The following FBLN5 variants were observed in gnomAD, a reference collection of about 807,000 sequenced individuals.
The protein encoded by FBLN5 is fibulin 5.
Under a neutral mutation model 61.6 loss-of-function variants are expected in FBLN5, and 24 were observed. The ratio of observed to expected loss-of-function variants is 0.39; its 90% CI spans 0.28 to 0.55. The LOEUF (loss-of-function observed/expected upper bound fraction) is 0.55, where lower values mean the gene tolerates loss of function less well. FBLN5 is among the 20% of genes least tolerant of loss of function. The pLI is 0.65. For missense variants in FBLN5, 470 were observed against 594.1 expected, an observed-to-expected ratio of 0.79 and a Z score of 2.17; for synonymous variants, 213 against 219.8, an observed-to-expected ratio of 0.97 and a Z score of 0.27.
chr14:91,917,368 G>T (rs1035209182), intron 4 of FBLN5, among the ~76,000 whole-genome samples: 8 of 152,082 alleles, frequency 5.3e-5, no homozygotes, highest in Non-Finnish European at 1.2e-4. Context: ...CACAAGGTCA[G>T]GAATTCAAGA....
intron 4 of FBLN5, among the ~76,000 whole-genome samples, chr14:91,912,984 A>G (rs1891022040): frequency 6.6e-6 from 1 of 152,190 alleles, no homozygotes; most frequent in African/African-American, 2.4e-5. Flanking sequence ...ATATGTATTA[A>G]CCAATGTGTA....
chr14:91,907,195 C>T (rs375117884), intron 4 of FBLN5, among the ~76,000 whole-genome samples: 3 of 152,174 alleles, frequency 2.0e-5, no homozygotes, highest in Admixed American at 6.5e-5. Flanking sequence ...GTGCAATGTC[C>T]GGGTCATGCC....
chr14:91,878,050 CAA>C, intron 9 of FBLN5: 1 of 408,228 alleles, frequency 2.4e-6, no homozygotes. Flanking sequence ...AAAAACAAAA[CAA>C]AAAAAAAGGA....
chr14:91,907,959 A>T (rs575661746), intron 4 of FBLN5, among the ~76,000 whole-genome samples: 26 of 151,612 alleles, frequency 1.7e-4, no homozygotes, highest in Non-Finnish European at 3.1e-4. Context: ...CTCTCATATT[A>T]AAAAAAAACC....
intron 1 of FBLN5, among the ~76,000 whole-genome samples, chr14:91,946,216 T>C (rs1356292097): frequency 6.6e-6 from 1 of 151,966 alleles, no homozygotes; most frequent in African/African-American, 2.4e-5. Context: ...AATAGGATTT[T>C]CCTAAAATGA....
intron 6 of FBLN5, among the ~76,000 whole-genome samples, chr14:91,889,861 C>A (rs896631031): frequency 2.0e-5 from 3 of 152,240 alleles, no homozygotes; most frequent in Admixed American, 6.5e-5. Context: ...TTGTCACACA[C>A]CTGTCCCTCA....
chr14:91,941,682 G>A (rs1002101468), intron 2 of FBLN5, among the ~76,000 whole-genome samples: 4 of 152,180 alleles, frequency 2.6e-5, no homozygotes, highest in African/African-American at 9.7e-5. Context: ...GACTGGCATA[G>A]GTTCAAGACT....
chr14:91,920,148 G>T (rs2055709346), intron 4 of FBLN5, among the ~76,000 whole-genome samples: 1 of 152,044 alleles, frequency 6.6e-6, no homozygotes, highest in African/African-American at 2.4e-5. Flanking sequence ...AGAGTCAAAA[G>T]CCAAGTTGCA....
chr14:91,869,616 T>C lies in FBLN5; in HGVS notation c.*608A>G, dbSNP rs537374892. On this transcript the variant is annotated 3_prime_UTR_variant, in exon 11 of 11. Coordinates refer to ENST00000342058, the MANE Select transcript of FBLN5 (RefSeq NM_006329.4). ...ACATATTTTTTAAAAATACTCAAAA[T>C]GAACAAGACAGAATTAAACCGTTAT... 5 of 154,606 alleles carry C rather than the reference T, an allele frequency of 3.2e-5. No individual in the cohort carries two copies. The highest frequency in any genetic ancestry group is 1.2e-4 in the African/African-American group (5 of 41,574). The allele number at this position is 154,606 out of a possible 1,614,324, so 9.6% of individuals were successfully genotyped here. A position where few individuals can be genotyped will look rare whatever the true frequency, so the allele number is the denominator to read the frequency against.
chr14:91,894,833 C>A, intron 5 of FBLN5, 117 bp downstream of exon 5: 1 of 552,266 alleles, frequency 1.8e-6, no homozygotes, highest in Non-Finnish European at 3.4e-6. Context: ...CCCTCCCGCC[C>A]TCCCTAGCAA....
At chr14:91,922,569 C>A (rs772893384) in intron 4 of FBLN5, among the ~76,000 whole-genome samples, 22 of 152,118 alleles carry the variant, frequency 1.4e-4, no homozygotes, top group Admixed American at 6.5e-4. Flanking sequence ...TGCCACCTGG[C>A]CCCCAGCCAC....
rs775694073 is a variant in FBLN5, at chr14:91,881,303, C to A, written c.978G>T (p.Arg326Ser). 6.2e-7 allele frequency: 1 copy of A among 1,614,152 alleles called. No homozygotes were observed. ...ACGCCGTGACTTACTTATCACTGATCCTCAGATAAGGCTCCTCACAGCGGA... is the reference window on the plus strand; with the variant it reads ...ACGCCGTGACTTACTTATCACTGATACTCAGATAAGGCTCCTCACAGCGGA... The part of the protein sequence containing the change: ...DPIRCEEPYL[R>S]ISDNRCMCPA... The change falls in exon 9 of 11, where the codon AGG becomes AGT. Residue 326 changes from arginine to serine, a missense_variant. Coordinates refer to ENST00000342058, the MANE Select transcript of FBLN5 (RefSeq NM_006329.4).
chr14:91,907,332 C>T (rs1165747882), intron 4 of FBLN5, among the ~76,000 whole-genome samples: 3 of 152,116 alleles, frequency 2.0e-5, no homozygotes, highest in Non-Finnish European at 4.4e-5. Flanking sequence ...ATTGAGCCTC[C>T]CTACCAGCCC....
rs949089831 is a variant in FBLN5 at position 91,943,251 on chromosome 14, G to A, written c.18-290C>T. On this transcript the variant is annotated intron_variant, in intron 1 of 10. Transcript: ENST00000342058. This position sits in a 1 kb window ranked among gnomAD's most constrained non-coding sequence, Gnocchi z 4.0. ...AGGTCAGGTGCGGTGGCTTACGCTT[G>A]TAATCCCAGCACTTTGAGAGGCTGA... Among the ~76,000 whole-genome samples the A allele has an allele frequency of 6.6e-6, 1 of 152,126 alleles. No homozygotes were observed. Among genetic ancestry groups the A allele is most frequent in the South Asian group, 2.1e-4 (1 of 4,818 alleles).
intron 4 of FBLN5, among the ~76,000 whole-genome samples, chr14:91,905,581 CTTTT>C (rs34047802): frequency 8.9e-5 from 12 of 134,718 alleles, no homozygotes; most frequent in Admixed American, 1.5e-4. Flanking sequence ...AGAATATGAG[CTTTT>C]TTTTTTTTTT....
At chr14:91,898,553 T>G (rs1890319382) in intron 4 of FBLN5, among the ~76,000 whole-genome samples, 1 of 152,070 alleles carries the variant, frequency 6.6e-6, no homozygotes, top group Non-Finnish European at 1.5e-5. Flanking sequence ...ACATTTGACT[T>G]AAATCACAGA....
At chr14:91,878,166 A>T (rs1889260246) in intron 9 of FBLN5, 1 of 311,106 alleles carries the variant, frequency 3.2e-6, no homozygotes, top group Non-Finnish European at 6.2e-6. Flanking sequence ...ATGTTACTGA[A>T]TCGAATATAA....
At chr14:91,905,221 C>T (rs1463079636) in intron 4 of FBLN5, among the ~76,000 whole-genome samples, 1 of 152,194 alleles carries the variant, frequency 6.6e-6, no homozygotes, top group African/African-American at 2.4e-5. Context: ...CATCACAACT[C>T]ACCAGGGTGA....
chr14:91,879,712 G>A (rs1026994654), intron 9 of FBLN5, among the ~76,000 whole-genome samples: 2 of 152,264 alleles, frequency 1.3e-5, no homozygotes, highest in South Asian at 4.1e-4. Context: ...ACAGCTCTTA[G>A]CAACAAGTGA....
Sources: gnomAD v4.1 joint callset for allele counts (sites outside exome capture counted in the v4.1 genomes callset) on GRCh38, gnomAD v4.1.1 for gene constraint, Gnocchi (gnomAD v3.1) non-coding constraint, MANE v1.5 for transcripts, NCBI Gene and HGNC (gene_info 2026-07-23, HGNC 2026-07-21) for gene names.